Variants in SEL1L2 observed in about 807,000 individuals in gnomAD.
SEL1L2 encodes the protein SEL1L2 adaptor subunit of SYVN1 ubiquitin ligase.
A neutral mutation model predicts 98.8 loss-of-function variants in SEL1L2; 89 were observed. The observed-to-expected ratio is 0.90, with a 90% CI of 0.76 to 1.07. SEL1L2 has a LOEUF of 1.07. SEL1L2 is among the 50% of genes least tolerant of loss of function. The pLI, the probability that SEL1L2 is intolerant of heterozygous loss-of-function variation, is 0.00. For missense variants in SEL1L2, 788 were observed against 812.0 expected (o/e 0.97, Z 0.36); for synonymous variants, 262 against 278.5 (o/e 0.94, Z 0.59).
In SEL1L2 at chr20:13,859,252, G is replaced by C. The variant is rs200962939; in HGVS notation, c.1818+10C>G. ...CATTACTAGGTTTGAATTATTACCA[G>C]CAAAATTACCTTTGTGATGCCTAAG... On this transcript the variant is annotated intron_variant, in intron 18 of 19. Coordinates refer to ENST00000284951, the MANE Select transcript of SEL1L2 (RefSeq NM_025229.2). The C allele has an allele frequency of 6.4e-5, 104 of 1,612,718 alleles. No individual in the cohort carries two copies. The highest frequency in any genetic ancestry group is 2.6e-4 in the South Asian group (24 of 91,008).
At position 13,913,865 on chromosome 20, in the gene SEL1L2, C is replaced by A; in HGVS notation, c.466G>T (p.Gly156Ter). The part of the protein sequence containing the change: ...MEKMADALLF[G>*]NFGVQNITAA... ...GTTATATTTTGCACGCCAAAATTTC[C>A]AAATAGCAAAGCGTCAGCCATTTTC... The change falls in exon 5 of 20, where the codon GGA becomes TGA. Residue 156 changes from glycine to a stop codon, truncating the protein, a stop_gained. Transcript: ENST00000284951. LOFTEE classifies it high-confidence loss of function. 1 of 1,558,732 alleles carries A rather than the reference C, an allele frequency of 6.4e-7. No individual in the cohort carries two copies. Among genetic ancestry groups the A allele is most frequent in the Non-Finnish European group, 8.6e-7 (1 of 1,161,034 alleles).
upstream of SEL1L2, among the ~76,000 whole-genome samples, chr20:13,992,561 G>A (rs2052566035): frequency 6.6e-6 from 1 of 152,134 alleles, no homozygotes; most frequent in East Asian, 1.9e-4. Context: ...CTGTGGGCTG[G>A]AATCAGAGAC....
intron 15 of SEL1L2, 27 bp from the exon 16 acceptor site, chr20:13,865,541 G>T (rs770496378): frequency 6.3e-7 from 1 of 1,595,778 alleles, no homozygotes; most frequent in Non-Finnish European, 8.6e-7. Context: ...AAATCAAGGA[G>T]ACTAGTTAGC....
chr20:13,920,329 T>C (rs2148238781), intron 3 of SEL1L2, among the ~76,000 whole-genome samples: 1 of 152,092 alleles, frequency 6.6e-6, no homozygotes, highest in Admixed American at 6.5e-5. Flanking sequence ...TCATGATAAC[T>C]TGCCTCGTAG....
intron 5 of SEL1L2, among the ~76,000 whole-genome samples, chr20:13,896,694 C>A (rs575827145): frequency 1.4e-3 from 213 of 152,196 alleles, no homozygotes; most frequent in Non-Finnish European, 2.0e-3. Flanking sequence ...TAGGAATAAA[C>A]TTAACTAAAA....
intron 10 of SEL1L2, among the ~76,000 whole-genome samples, chr20:13,882,852 T>C (rs1568889764): frequency 7.1e-6 from 1 of 141,424 alleles, no homozygotes; most frequent in Non-Finnish European, 1.5e-5. Context: ...AGTCTCGCTC[T>C]GTCGCCCAGG....
intron 1 of SEL1L2, among the ~76,000 whole-genome samples, chr20:13,982,313 C>G (rs891501279): frequency 6.6e-6 from 1 of 151,852 alleles, no homozygotes; most frequent in Non-Finnish European, 1.5e-5. Flanking sequence ...GAGTTCAAGA[C>G]CAGACTGAGC....
intron 1 of SEL1L2, among the ~76,000 whole-genome samples, chr20:13,972,284 C>T (rs966427548): frequency 2.6e-5 from 4 of 152,120 alleles, no homozygotes; most frequent in Non-Finnish European, 5.9e-5. Context: ...AATTTATTCA[C>T]GTTTCTTTGT....
At chr20:13,991,882 A>G (rs2052547047), upstream of SEL1L2, among the ~76,000 whole-genome samples, 1 of 152,102 alleles carries the variant, frequency 6.6e-6, no homozygotes, top group Non-Finnish European at 1.5e-5. Context: ...AGTTTCAGGT[A>G]CTCAGGAGGC....
intron 1 of SEL1L2, chr20:13,973,216 T>A (rs762997376): frequency 1.3e-5 from 2 of 152,244 alleles, no homozygotes; most frequent in Non-Finnish European, 2.9e-5. Context: ...ATATCTTTTT[T>A]CTTTCATTAA....
intron 2 of SEL1L2, among the ~76,000 whole-genome samples, chr20:13,952,015 T>G (rs1433863712): frequency 6.6e-6 from 1 of 152,148 alleles, no homozygotes; most frequent in Non-Finnish European, 1.5e-5. Context: ...GTTTCCTTTC[T>G]GGGAAAGGAA....
At chr20:13,926,649 AG>A (rs1158450564) in intron 3 of SEL1L2, among the ~76,000 whole-genome samples, 1 of 152,250 alleles carries the variant, frequency 6.6e-6, no homozygotes, top group East Asian at 1.9e-4. Context: ...AAGGCTGTCT[AG>A]AGACTGTACT....
intron 5 of SEL1L2, among the ~76,000 whole-genome samples, chr20:13,900,979 T>C (rs1044581653): frequency 2.6e-5 from 4 of 152,236 alleles, no homozygotes; most frequent in African/African-American, 9.6e-5. Flanking sequence ...ATTCATTATA[T>C]TGATTTCAGT....
intron 18 of SEL1L2, among the ~76,000 whole-genome samples, chr20:13,854,736 G>T (rs543010059): frequency 4.6e-5 from 7 of 152,272 alleles, no homozygotes; most frequent in Admixed American, 2.0e-4. Flanking sequence ...TACCATGATG[G>T]TTTAGAAGTA....
chr20:13,941,230 C>T (rs2049762000), intron 2 of SEL1L2, among the ~76,000 whole-genome samples: 1 of 152,170 alleles, frequency 6.6e-6, no homozygotes, highest in South Asian at 2.1e-4. Flanking sequence ...ATGGCCCCTG[C>T]AGAAGGTCAC....
chr20:13,989,346 A>G (rs2052419046), intron 1 of SEL1L2, among the ~76,000 whole-genome samples: 1 of 151,952 alleles, frequency 6.6e-6, no homozygotes, highest in Non-Finnish European at 1.5e-5. Flanking sequence ...GAGCTCATTT[A>G]TTAGTTCTAA....
At chr20:13,950,806 G>A (rs899575070) in intron 2 of SEL1L2, among the ~76,000 whole-genome samples, 1 of 152,146 alleles carries the variant, frequency 6.6e-6, no homozygotes, top group African/African-American at 2.4e-5. Context: ...TGGCAATAGG[G>A]AGGGAGAAGG....
chr20:13,899,508 G>C (rs2148075670), intron 5 of SEL1L2, among the ~76,000 whole-genome samples: 1 of 152,248 alleles, frequency 6.6e-6, no homozygotes, highest in South Asian at 2.1e-4. Context: ...CTCTGCACTG[G>C]AGGTAACAGA....
intron 17 of SEL1L2, 88 bp downstream of exon 17, chr20:13,865,079 A>C: frequency 1.4e-4 from 131 of 907,764 alleles, no homozygotes; most frequent in Non-Finnish European, 2.1e-4. Flanking sequence ...TTTGCTGCCT[A>C]TGTGCACAAA....
Sources: gnomAD v4.1 joint callset for allele counts (sites outside exome capture counted in the v4.1 genomes callset) on GRCh38, gnomAD v4.1.1 for gene constraint, MANE v1.5 for transcripts, NCBI Gene and HGNC (gene_info 2026-07-23, HGNC 2026-07-21) for gene names.